The following OTULINL variants were observed in gnomAD, a reference collection of about 807,000 sequenced individuals.
OTULINL encodes the protein inactive ubiquitin thioesterase OTULINL.
In OTULINL, 42 loss-of-function variants were observed where a neutral mutation model predicts 43.9. The ratio of observed to expected loss-of-function variants is 0.96; its 90% confidence interval spans 0.75 to 1.24. The LOEUF (loss-of-function observed/expected upper bound fraction) is 1.24, where lower values mean the gene tolerates loss of function less well. Ranked by LOEUF, OTULINL falls within the 50% of genes most tolerant of loss-of-function variation. The probability of loss-of-function intolerance (pLI) is 0.00; values close to 1 mark genes in which losing one functional copy is unlikely to be tolerated. For missense variants in OTULINL, 411 were observed against 426.4 expected, an observed-to-expected ratio of 0.96 and a Z score of 0.32; for synonymous variants, 172 against 153.6, an observed-to-expected ratio of 1.12 and a Z score of -0.88.
intron 1 of OTULINL, among the ~76,000 whole-genome samples, chr5:14,600,718 C>A (rs1759369212): frequency 6.6e-6 from 1 of 152,098 alleles, no homozygotes; most frequent in African/African-American, 2.4e-5. Flanking sequence ...ACTCTTTATT[C>A]TTCTTAATTT....
intron 1 of OTULINL, among the ~76,000 whole-genome samples, chr5:14,585,120 TAGG>T (rs1382578581): frequency 6.6e-6 from 1 of 152,006 alleles, no homozygotes. Context: ...CTTTACTCTC[TAGG>T]AGGAGAAGGA....
chr5:14,598,202 G>A (rs73046727), intron 1 of OTULINL, among the ~76,000 whole-genome samples: 12,390 of 152,266 alleles, frequency 0.081, 528 homozygotes, highest in Middle Eastern at 0.099. Flanking sequence ...GGAGGGGGCA[G>A]CAGCCATCCC....
intron 7 of OTULINL, among the ~76,000 whole-genome samples, 191 bp from the exon 8 acceptor site, chr5:14,609,950 C>G (rs1356292689): frequency 6.6e-6 from 1 of 152,176 alleles, no homozygotes; most frequent in Non-Finnish European, 1.5e-5. Flanking sequence ...CAGAGTTGTT[C>G]CTATGCTCGT....
At chr5:14,588,886 A>T (rs148963143) in intron 1 of OTULINL, among the ~76,000 whole-genome samples, 1 of 152,324 alleles carries the variant, frequency 6.6e-6, no homozygotes, top group Non-Finnish European at 1.5e-5. Flanking sequence ...CTCACACAGC[A>T]GTACCCAGCA....
intron 6 of OTULINL, 116 bp downstream of exon 6, chr5:14,607,574 G>A: frequency 7.8e-7 from 1 of 1,280,526 alleles, no homozygotes; most frequent in Non-Finnish European, 1.1e-6. Flanking sequence ...AGAAGTGCAA[G>A]CAGAAATGCT....
rs1169025057 is a variant in OTULINL at position 14,611,633 on chromosome 5, A to T, written c.*1319A>T. ...GTTTGTGGTAATGTGTTGTAGCAAC[A>T]GAAAACTAGTATTCTCAGGCTAGTT... On this transcript the variant is annotated 3_prime_UTR_variant, in exon 8 of 8. Coordinates refer to ENST00000274217, the MANE Select transcript of OTULINL (RefSeq NM_019018.3). The T allele has an allele frequency of 1.3e-5, 2 of 152,254 alleles. No individual in the cohort carries two copies. The highest frequency in any genetic ancestry group is 3.8e-4 in the East Asian group (2 of 5,202). 9.4% of individuals were successfully genotyped at this position (152,254 alleles called of 1,614,324 possible).
chr5:14,581,936 G>A lies in OTULINL; in HGVS notation c.42G>A (p.Glu14=). ...TRSPTRARER[E]RSGAPAAGSD... ...GCCCCACGCGGGCAAGGGAGCGGGA[G>A]CGGTCTGGCGCTCCCGCCGCAGGTG... Residue 14 remains glutamate, a synonymous_variant, in exon 1 of 8, where the codon GAG becomes GAA. Coordinates refer to ENST00000274217, the MANE Select transcript of OTULINL (RefSeq NM_019018.3). The A allele has an allele frequency of 7.3e-7, 1 of 1,375,704 alleles. No homozygotes were observed. Among genetic ancestry groups the A allele is most frequent in the Non-Finnish European group, 9.4e-7 (1 of 1,065,598 alleles). 85.2% of individuals were successfully genotyped at this position (1,375,704 alleles called of 1,614,324 possible). A position where few individuals can be genotyped will look rare whatever the true frequency, so the allele number is the denominator to read the frequency against.
chr5:14,604,887 A>G (rs1759446497), intron 5 of OTULINL, among the ~76,000 whole-genome samples: 1 of 152,132 alleles, frequency 6.6e-6, no homozygotes, highest in South Asian at 2.1e-4. Context: ...TTCACAGGCT[A>G]GTGTCAAGTG....
intron 1 of OTULINL, among the ~76,000 whole-genome samples, chr5:14,585,031 C>T (rs186092582): frequency 3.3e-5 from 5 of 152,172 alleles, no homozygotes; most frequent in Non-Finnish European, 7.4e-5. Context: ...GAAGTGTGGG[C>T]GCAAACATTC....
rs778071626 is a variant in OTULINL at position 14,610,160 on chromosome 5, G to GAT, written c.919_920dup (p.Ser308ThrfsTer5). The GAT allele has an allele frequency of 6.2e-7, 1 of 1,613,796 alleles. No individual in the cohort carries two copies. The highest frequency in any genetic ancestry group is 1.3e-5 in the African/African-American group (1 of 74,884). The stretch of plus-strand genomic sequence containing the variant: ...CCACAGATTGATATGTTTATACTTG[G>GAT]ATACTCCCTTGAAGTAAAGATAAAA... On this transcript the variant is annotated frameshift_variant, in exon 8 of 8. Transcript: ENST00000274217. LOFTEE classifies it high-confidence loss of function.
intron 1 of OTULINL, among the ~76,000 whole-genome samples, chr5:14,596,228 G>T (rs1157310561): frequency 6.6e-6 from 1 of 152,072 alleles, no homozygotes; most frequent in East Asian, 1.9e-4. Context: ...ATTCGTGGAG[G>T]TGAAACCTTT....
intron 5 of OTULINL, 55 bp downstream of exon 5, chr5:14,602,387 C>A: frequency 6.6e-7 from 1 of 1,526,280 alleles, no homozygotes; most frequent in Non-Finnish European, 9.0e-7. Flanking sequence ...AACTGCAACT[C>A]AGACTCCTAG....
At chr5:14,601,546 C>A in intron 4 of OTULINL, 104 bp downstream of exon 4, 2 of 1,028,582 alleles carry the variant, frequency 1.9e-6, no homozygotes, top group Non-Finnish European at 2.9e-6. Flanking sequence ...CCATCAGTAC[C>A]AAAATGTGAG....
At chr5:14,605,043 T>C (rs897880145) in intron 5 of OTULINL, among the ~76,000 whole-genome samples, 3 of 152,180 alleles carry the variant, frequency 2.0e-5, no homozygotes, top group African/African-American at 7.2e-5. Flanking sequence ...CACCCCACAT[T>C]TCCCTTTCAC....
At chr5:14,605,149 T>C (rs2126783328) in intron 5 of OTULINL, among the ~76,000 whole-genome samples, 1 of 152,258 alleles carries the variant, frequency 6.6e-6, no homozygotes, top group East Asian at 1.9e-4. Flanking sequence ...GAAACCTGGG[T>C]GGAGGTTCCC....
chr5:14,591,170 A>C (rs1185031112), intron 1 of OTULINL, among the ~76,000 whole-genome samples: 2 of 152,218 alleles, frequency 1.3e-5, no homozygotes, highest in African/African-American at 4.8e-5. Context: ...AGTGAGCCAA[A>C]TCAGTAATGA....
intron 1 of OTULINL, among the ~76,000 whole-genome samples, chr5:14,587,289 G>A (rs572937304): frequency 6.6e-6 from 1 of 152,302 alleles, no homozygotes; most frequent in Non-Finnish European, 1.5e-5. Flanking sequence ...TGTGTCTTCC[G>A]AATGCACCAC....
At chr5:14,593,712 G>T (rs1476814129) in intron 1 of OTULINL, among the ~76,000 whole-genome samples, 2 of 152,208 alleles carry the variant, frequency 1.3e-5, no homozygotes, top group African/African-American at 4.8e-5. Flanking sequence ...GATGTGCCCA[G>T]TCAAGAGATG....
At chr5:14,599,228 C>T (rs1429600787) in intron 1 of OTULINL, among the ~76,000 whole-genome samples, 3 of 152,202 alleles carry the variant, frequency 2.0e-5, no homozygotes, top group Admixed American at 2.0e-4. Context: ...ATGGCTCACG[C>T]CTGTAATCCC....
Sources: gnomAD v4.1 joint callset for allele counts (sites outside exome capture counted in the v4.1 genomes callset) on GRCh38, gnomAD v4.1.1 for gene constraint, MANE v1.5 for transcripts, NCBI Gene and HGNC (gene_info 2026-07-23, HGNC 2026-07-21) for gene names.